Variants in FXYD5 observed in about 807,000 individuals in gnomAD.
FXYD5 encodes the protein FXYD domain containing ion transport regulator 5, also known as FXYD domain-containing ion transport regulator 5.
FXYD5 carries 21 observed loss-of-function variants against 25.7 expected under a neutral mutation model. That is an observed-to-expected ratio of 0.82 (90% CI 0.58 to 1.18). The LOEUF is 1.18. Among genes scored for constraint, FXYD5 ranks in the 50% most tolerant of loss-of-function variants. The pLI is 0.00. For synonymous variants in FXYD5, 101 were observed against 90.7 expected, an observed-to-expected ratio of 1.11 and a Z score of -0.64; for missense variants, 229 against 227.7, an observed-to-expected ratio of 1.01 and a Z score of -0.04.
chr19:35,163,347 G>C (rs1024996817), intron 5 of FXYD5, among the ~76,000 whole-genome samples: 2 of 151,722 alleles, frequency 1.3e-5, no homozygotes, highest in African/African-American at 2.4e-5. Flanking sequence ...TGAGGCCTCC[G>C]ATGTGGTGTG....
chr19:35,164,548 T>C lies in FXYD5; in HGVS notation c.382+303T>C, dbSNP rs2065434353. ...TGCTCAGCTGGCTGGTTCTTCTGGT[T>C]TCAGCTGGACTTACTCATGCGTCTG... On this transcript the variant is annotated intron_variant, in intron 6 of 8. Transcript: ENST00000392219. Among the ~76,000 whole-genome samples the C allele has an allele frequency of 2.0e-5, 3 of 152,232 alleles. No homozygotes were observed. In the South Asian group the frequency reaches 6.2e-4, roughly 32 times the overall value.
At chr19:35,155,956 G>A (rs533084832) in intron 2 of FXYD5, among the ~76,000 whole-genome samples, 1 of 152,332 alleles carries the variant, frequency 6.6e-6, no homozygotes, top group East Asian at 1.9e-4. Flanking sequence ...AGAGTCCCCA[G>A]GCATTACACA....
At chr19:35,156,477 T>C (rs2065356609) in intron 2 of FXYD5, among the ~76,000 whole-genome samples, 1 of 152,184 alleles carries the variant, frequency 6.6e-6, no homozygotes, top group Non-Finnish European at 1.5e-5. Flanking sequence ...TGATACGTGC[T>C]TGCAGAAAAG....
intron 6 of FXYD5, 151 bp from the exon 7 acceptor site, chr19:35,165,991 G>C: frequency 1.3e-6 from 1 of 748,680 alleles, no homozygotes; most frequent in Non-Finnish European, 2.4e-6. Context: ...GAGATTAGAG[G>C]AATAATGGGA....
intron 2 of FXYD5, chr19:35,156,791 AC>A (rs1274818877): frequency 1.3e-5 from 2 of 152,720 alleles, no homozygotes; most frequent in Non-Finnish European, 2.9e-5. Flanking sequence ...AGGGCTCTGA[AC>A]CAGGCGGGCC....
chr19:35,157,332 C>T, intron 2 of FXYD5, 89 bp from the exon 3 acceptor site: 1 of 713,204 alleles, frequency 1.4e-6, no homozygotes. Flanking sequence ...CAGACAGGAC[C>T]CCTAAGGTTT....
At chr19:35,155,856 A>G (rs2065349918) in intron 2 of FXYD5, among the ~76,000 whole-genome samples, 1 of 152,246 alleles carries the variant, frequency 6.6e-6, no homozygotes, top group East Asian at 1.9e-4. Flanking sequence ...GCATCCTCCA[A>G]TTTCACCTCC....
chr19:35,158,458 C>A, intron 4 of FXYD5, 58 bp downstream of exon 4: 1 of 990,542 alleles, frequency 1.0e-6, no homozygotes, highest in Non-Finnish European at 1.6e-6. Flanking sequence ...AGTTTCCCCT[C>A]TTCCTCTGAC....
chr19:35,164,749 G>T (rs952346418), intron 6 of FXYD5, among the ~76,000 whole-genome samples: 1 of 152,180 alleles, frequency 6.6e-6, no homozygotes, highest in African/African-American at 2.4e-5. Context: ...TAGTCACTGA[G>T]TACTTGTGTG....
chr19:35,169,472 G>A, intron 8 of FXYD5, 94 bp from the exon 9 acceptor site: 1 of 932,894 alleles, frequency 1.1e-6, no homozygotes, highest in South Asian at 1.3e-5. Context: ...TTCCCGAGGG[G>A]CAGGGTTGAT....
At chr19:35,159,721 C>A in intron 4 of FXYD5, 1 of 1,426,244 alleles carries the variant, frequency 7.0e-7, no homozygotes, top group East Asian at 2.6e-5. Context: ...TCACGCAAAC[C>A]CTAAGAGGCA....
intron 2 of FXYD5, among the ~76,000 whole-genome samples, chr19:35,156,052 A>T (rs2065352197): frequency 6.6e-6 from 1 of 152,226 alleles, no homozygotes; most frequent in South Asian, 2.1e-4. Context: ...GAAAGATGGG[A>T]ACCACAGGGG....
chr19:35,160,132 C>T (rs140553754), intron 4 of FXYD5: 171 of 168,114 alleles, frequency 1.0e-3, no homozygotes, highest in African/African-American at 4.1e-3. Flanking sequence ...TCACTTGAGC[C>T]CAAGAGTTCA....
intron 4 of FXYD5, chr19:35,159,782 A>T: frequency 9.4e-7 from 1 of 1,067,792 alleles, no homozygotes; most frequent in South Asian, 1.7e-5. Flanking sequence ...GGCTGTGAGT[A>T]ACTGGTTCAA....
chr19:35,156,271 T>C (rs1633911), intron 2 of FXYD5, among the ~76,000 whole-genome samples: 37,566 of 152,192 alleles, frequency 0.25, 8,055 homozygotes, highest in African/African-American at 0.58. Flanking sequence ...CCAGGGTGCA[T>C]GCCCCACTGA....
At chr19:35,156,961 G>GTGGT in intron 2 of FXYD5, 1 of 166,984 alleles carries the variant, frequency 6.0e-6, no homozygotes, top group Non-Finnish European at 1.3e-5. Flanking sequence ...GAGTTATCCA[G>GTGGT]CACTGACCAC....
intron 1 of FXYD5, 66 bp downstream of exon 1, chr19:35,154,875 T>TA (rs1451309013): frequency 6.5e-6 from 1 of 154,308 alleles, no homozygotes; most frequent in Non-Finnish European, 1.4e-5. Flanking sequence ...CTCAGGTGGG[T>TA]AGGGGTTTGA....
chr19:35,166,198 G>C, intron 7 of FXYD5, 27 bp downstream of exon 7: 4 of 1,612,394 alleles, frequency 2.5e-6, no homozygotes, highest in Middle Eastern at 1.7e-4. Context: ...AAGATGTGGG[G>C]GAAGGAAAGG....
At position 35,162,604 on chromosome 19, in the gene FXYD5, A is replaced by T. The variant is rs1407100141; in HGVS notation, c.293-1552A>T. 2.0e-5 allele frequency among the ~76,000 whole-genome samples: 3 copies of T among 152,062 alleles called. No homozygotes were observed. In the East Asian group the frequency reaches 5.8e-4, roughly 29 times the overall value. On this transcript the variant is annotated intron_variant, in intron 5 of 8. Coordinates refer to ENST00000392219, the MANE Select transcript of FXYD5 (RefSeq NM_014164.6). ...CTGGTGTCTTCTTATAAGGGCACTAATCCCATCATGAGGGCCCCACCCTCA... is the reference window on the plus strand; with the variant it reads ...CTGGTGTCTTCTTATAAGGGCACTATTCCCATCATGAGGGCCCCACCCTCA...
Sources: gnomAD v4.1 joint callset for allele counts (sites outside exome capture counted in the v4.1 genomes callset) on GRCh38, gnomAD v4.1.1 for gene constraint, MANE v1.5 for transcripts, NCBI Gene and HGNC (gene_info 2026-07-23, HGNC 2026-07-21) for gene names.